The following CACNA2D3 variants were observed in gnomAD, a reference collection of about 807,000 sequenced individuals.
The protein encoded by CACNA2D3 is calcium voltage-gated channel auxiliary subunit alpha2delta 3, also known as voltage-dependent calcium channel subunit alpha-2/delta-3.
Under a neutral mutation model 160.6 loss-of-function variants are expected in CACNA2D3, and 60 were observed. The ratio of observed to expected loss-of-function variants is 0.37; its 90% CI spans 0.30 to 0.46. The LOEUF (loss-of-function observed/expected upper bound fraction) is 0.46. Ranked by LOEUF, CACNA2D3 falls within the 20% of genes least tolerant of loss-of-function variation. The pLI is 1.00. For missense variants in CACNA2D3, 1,205 were observed against 1,365.0 expected (o/e 0.88, Z 1.85); for synonymous variants, 558 against 492.9 (o/e 1.13, Z -1.75).
intron 18 of CACNA2D3, among the ~76,000 whole-genome samples, chr3:54,873,162 A>G (rs1456671579): frequency 6.6e-6 from 1 of 152,114 alleles, no homozygotes; most frequent in African/African-American, 2.4e-5. Flanking sequence ...TGTTCTGAGG[A>G]TTAAATGGAT....
At chr3:54,491,023 C>T (rs1057326579) in intron 4 of CACNA2D3, among the ~76,000 whole-genome samples, 3 of 152,156 alleles carry the variant, frequency 2.0e-5, no homozygotes, top group South Asian at 2.1e-4. Context: ...GGAATATATA[C>T]GTATCTCATT....
intron 4 of CACNA2D3, among the ~76,000 whole-genome samples, chr3:54,453,494 T>C (rs565344060): frequency 1.5e-5 from 2 of 135,136 alleles, no homozygotes; most frequent in African/African-American, 5.3e-5. Flanking sequence ...GACTTTCTGC[T>C]TCCACATTTA....
intron 27 of CACNA2D3, among the ~76,000 whole-genome samples, chr3:54,947,076 A>G (rs1252413344): frequency 6.6e-6 from 1 of 152,194 alleles, no homozygotes; most frequent in Non-Finnish European, 1.5e-5. Flanking sequence ...CCATTCTAGG[A>G]AAATACTATA....
intron 35 of CACNA2D3, among the ~76,000 whole-genome samples, chr3:55,049,359 T>A (rs1194723939): frequency 7.0e-6 from 1 of 142,206 alleles, no homozygotes; most frequent in Admixed American, 7.0e-5. Context: ...TTTCGTTATG[T>A]ACCCAGTAGT....
intron 13 of CACNA2D3, among the ~76,000 whole-genome samples, chr3:54,766,436 A>G (rs1702225395): frequency 6.6e-6 from 1 of 152,238 alleles, no homozygotes; most frequent in Non-Finnish European, 1.5e-5. Context: ...CACACCCATC[A>G]GAGTGGCAAA....
chr3:54,170,868 A>G lies in CACNA2D3; in HGVS notation c.204+47274A>G, dbSNP rs574235949. Among the ~76,000 whole-genome samples the G allele has an allele frequency of 1.4e-4, 21 of 152,256 alleles. 1 individual carries two copies. The highest frequency in any genetic ancestry group is 1.9e-4 in the Non-Finnish European group (13 of 68,024). The stretch of plus-strand genomic sequence containing the variant: ...TTTGCCATGCCAATAGATTCCAGTC[A>G]TTCTCTAGGCTTTGTCAGATGTTTT... On this transcript the variant is annotated intron_variant, in intron 2 of 37. Transcript: ENST00000474759.
At chr3:54,191,505 T>C (rs1700983457) in intron 2 of CACNA2D3, among the ~76,000 whole-genome samples, 1 of 152,138 alleles carries the variant, frequency 6.6e-6, no homozygotes, top group Non-Finnish European at 1.5e-5. Context: ...ATTTGTAATC[T>C]AGTACCCAGG....
In CACNA2D3 at chr3:54,170,898, TA is replaced by T. The variant is rs199826152; in HGVS notation, c.204+47314del. On this transcript the variant is annotated intron_variant, in intron 2 of 37. Coordinates refer to ENST00000474759, the MANE Select transcript of CACNA2D3 (RefSeq NM_018398.3). ...CTAGGCTTTGTCAGATGTTTTAAAC[TA>T]AAAAAAAAATGACAGGTGGAGTAAT... is the stretch of plus-strand genomic sequence containing the variant. Among the ~76,000 whole-genome samples the T allele has an allele frequency of 2.1e-3, 306 of 148,390 alleles. 4 individuals are homozygous for T. The highest frequency in any genetic ancestry group is 0.021 in the East Asian group (105 of 5,108).
chr3:54,127,729 G>A (rs1235735591), intron 2 of CACNA2D3, among the ~76,000 whole-genome samples: 1 of 152,146 alleles, frequency 6.6e-6, no homozygotes, highest in African/African-American at 2.4e-5. Flanking sequence ...AATCTCTGAA[G>A]TGACAGTTTT....
Position 55,017,067 on chromosome 3 carries a change from C to A in CACNA2D3, c.2876-1139C>A, listed in dbSNP as rs563451936. ...GGAATGTAACATGAGAGTTTGTTCA[C>A]ACATAGTTTTGTTAAAATCCCATTG... On this transcript the variant is annotated intron_variant, in intron 34 of 37. Coordinates refer to ENST00000474759, the MANE Select transcript of CACNA2D3 (RefSeq NM_018398.3). Among the ~76,000 whole-genome samples, 58 of 152,286 alleles carry A rather than the reference C, an allele frequency of 3.8e-4. No individual in the cohort carries two copies. In the South Asian group the frequency reaches 0.012, roughly 31 times the overall value.
intron 3 of CACNA2D3, among the ~76,000 whole-genome samples, chr3:54,369,014 T>C (rs901341957): frequency 6.6e-6 from 1 of 152,090 alleles, no homozygotes; most frequent in African/African-American, 2.4e-5. Context: ...AGTAGGGTTC[T>C]CTTATAGCTA....
intron 4 of CACNA2D3, among the ~76,000 whole-genome samples, chr3:54,475,809 T>TTGTGTGTGTGTGTGTGTGTG (rs3030044): frequency 0.14 from 20,403 of 142,564 alleles, 1,634 homozygotes; most frequent in African/African-American, 0.19. Context: ...TGGTTACCAT[T>TTGTGTGTGTGTGTGTGTGTG]TGTGTGTGTG....
At chr3:54,839,515 G>A (rs1315159569) in intron 16 of CACNA2D3, among the ~76,000 whole-genome samples, 1 of 152,150 alleles carries the variant, frequency 6.6e-6, no homozygotes, top group East Asian at 1.9e-4. Context: ...CTGCACAGGG[G>A]CGAACACCAC....
At chr3:54,887,896 A>C in intron 23 of CACNA2D3, 63 bp from the exon 24 acceptor site, 1 of 1,224,606 alleles carries the variant, frequency 8.2e-7, no homozygotes, top group South Asian at 1.2e-5. Flanking sequence ...TGAGCCCATG[A>C]GTGCCTCTCA....
rs528149109 is a variant in CACNA2D3, at chr3:54,408,176, G to T, written c.381+21402G>T. 3.9e-5 allele frequency among the ~76,000 whole-genome samples: 6 copies of T among 152,208 alleles called. No individual in the cohort carries two copies. In the South Asian group the frequency reaches 1.2e-3, roughly 32 times the overall value. On this transcript the variant is annotated intron_variant, in intron 4 of 37. Transcript: ENST00000474759. ...AAGTGACATGAAAGAGAAGTACAAGGTATTATCACAGTGCTTGACAAGGAG... is the reference window on the plus strand; with the variant it reads ...AAGTGACATGAAAGAGAAGTACAAGTTATTATCACAGTGCTTGACAAGGAG...
intron 2 of CACNA2D3, among the ~76,000 whole-genome samples, chr3:54,233,624 ACATT>A (rs1701819530): frequency 6.6e-6 from 1 of 152,220 alleles, no homozygotes; most frequent in African/African-American, 2.4e-5. Context: ...GAGTATAGGA[ACATT>A]CATTCTTTGG....
chr3:54,187,604 T>A (rs1228556734), intron 2 of CACNA2D3, among the ~76,000 whole-genome samples: 1 of 152,072 alleles, frequency 6.6e-6, no homozygotes, highest in African/African-American at 2.4e-5. Flanking sequence ...AGCTCATGAT[T>A]GACTAGGGCA....
At chr3:54,157,011 A>G (rs538176936) in intron 2 of CACNA2D3, among the ~76,000 whole-genome samples, 3 of 152,376 alleles carry the variant, frequency 2.0e-5, no homozygotes, top group South Asian at 4.1e-4. Context: ...ACAAAATGCC[A>G]TAGACTGGGT....
At chr3:54,692,883 T>C (rs929736769) in intron 11 of CACNA2D3, among the ~76,000 whole-genome samples, 2 of 152,238 alleles carry the variant, frequency 1.3e-5, no homozygotes, top group African/African-American at 4.8e-5. Context: ...CTGCTGAGAA[T>C]TTACCCAGCA....
Sources: allele counts gnomAD v4.1 joint callset (sites outside exome capture counted in the v4.1 genomes callset), GRCh38; gene constraint gnomAD v4.1.1; transcripts MANE v1.5; gene names NCBI Gene and HGNC (gene_info 2026-07-23, HGNC 2026-07-21).